Variants in EIF2B3 observed in about 807,000 individuals in gnomAD.
EIF2B3 encodes translation initiation factor eIF2B subunit gamma.
Under a neutral mutation model 54.1 loss-of-function variants are expected in EIF2B3, and 20 were observed. The ratio of observed to expected loss-of-function variants is 0.37; its 90% CI spans 0.26 to 0.54. The LOEUF (loss-of-function observed/expected upper bound fraction) is 0.54. Ranked by LOEUF, EIF2B3 falls within the 20% of genes least tolerant of loss-of-function variation. The pLI, the probability that EIF2B3 is intolerant of heterozygous loss-of-function variation, is 0.86. For missense variants in EIF2B3, 448 were observed against 547.8 expected, an observed-to-expected ratio of 0.82 and a Z score of 1.82; for synonymous variants, 153 against 188.1, an observed-to-expected ratio of 0.81 and a Z score of 1.52.
At chr1:44,891,402 C>T (rs1454601920) in intron 6 of EIF2B3, among the ~76,000 whole-genome samples, 2 of 152,214 alleles carry the variant, frequency 1.3e-5, no homozygotes, top group Admixed American at 6.5e-5. Flanking sequence ...GCTGGGAATA[C>T]AGGCATGAGC....
chr1:44,872,412 G>A (rs921281323), intron 10 of EIF2B3, among the ~76,000 whole-genome samples: 1 of 152,122 alleles, frequency 6.6e-6, no homozygotes, highest in Non-Finnish European at 1.5e-5. Context: ...TTGGGAGGCT[G>A]AGGTGGGAGG....
At chr1:44,943,380 A>G (rs1644060156) in intron 3 of EIF2B3, among the ~76,000 whole-genome samples, 1 of 91,890 alleles carries the variant, frequency 1.1e-5, no homozygotes, top group Non-Finnish European at 2.8e-5. Context: ...ATCTATATCT[A>G]TATCTATATC....
chr1:44,939,762 A>G (rs1318074381), intron 4 of EIF2B3, among the ~76,000 whole-genome samples: 1 of 152,126 alleles, frequency 6.6e-6, no homozygotes, highest in East Asian at 1.9e-4. Context: ...AATGCCTATG[A>G]AAAGGGAGAA....
intron 6 of EIF2B3, among the ~76,000 whole-genome samples, chr1:44,884,707 G>A (rs1325151402): frequency 3.9e-5 from 6 of 152,110 alleles, no homozygotes; most frequent in Non-Finnish European, 8.8e-5. Context: ...TCCTCCATTG[G>A]AAAACAAGTC....
chr1:44,853,903 G>A (rs1000438249), intron 11 of EIF2B3, among the ~76,000 whole-genome samples: 5 of 151,810 alleles, frequency 3.3e-5, no homozygotes, highest in African/African-American at 1.2e-4. Context: ...CATGGTCAAA[G>A]AACTGATCAC....
chr1:44,985,712 A>T (rs1644567066), intron 1 of EIF2B3, among the ~76,000 whole-genome samples: 1 of 152,244 alleles, frequency 6.6e-6, no homozygotes, highest in Admixed American at 6.5e-5. Context: ...AATCATGAAC[A>T]TAACTAATCA....
At chr1:44,958,820 T>C in intron 3 of EIF2B3, 1 of 1,117,632 alleles carries the variant, frequency 8.9e-7, no homozygotes, top group South Asian at 1.2e-5. Flanking sequence ...TGTTGGACGT[T>C]AGCTCCTGAG....
rs199893632 is a variant in EIF2B3 at position 44,879,960 on chromosome 1, T to C, written c.833A>G (p.Tyr278Cys). 162 of 1,614,170 alleles carry C rather than the reference T, an allele frequency of 1.0e-4. No individual in the cohort carries two copies. The highest frequency in any genetic ancestry group is 4.9e-4 in the Middle Eastern group (3 of 6,062). Residue 278 changes from tyrosine (Y) to cysteine (C), a missense_variant, in exon 8 of 12, where the codon TAT becomes TGT. Physicochemically the swap from Tyr to Cys is radical, Grantham distance 194. This residue lies in a region of EIF2B3 where 350 missense variants were observed against 414.2 expected (regional missense o/e 0.85). Transcript: ENST00000360403. ...TCGACAGGCATTCCAGCAGGCATCA[T>C]AGGGAGCCAGGTTCAGTGTATTGGC... ...KEANTLNLAPYDACWNACRGD... is the reference protein window; with the variant it reads ...KEANTLNLAPCDACWNACRGD...
At chr1:44,979,704 C>A (rs1644494062) in intron 2 of EIF2B3, among the ~76,000 whole-genome samples, 1 of 151,374 alleles carries the variant, frequency 6.6e-6, no homozygotes, top group African/African-American at 2.4e-5. Flanking sequence ...TGGCTCACAC[C>A]TGTAATTCCA....
intron 10 of EIF2B3, among the ~76,000 whole-genome samples, chr1:44,864,761 T>G (rs1307125345): frequency 6.6e-6 from 1 of 152,230 alleles, no homozygotes; most frequent in Non-Finnish European, 1.5e-5. Flanking sequence ...CTTCTGATGC[T>G]TTTACATAGC....
At chr1:44,876,958 G>A (rs957104438) in intron 8 of EIF2B3, among the ~76,000 whole-genome samples, 4 of 145,842 alleles carry the variant, frequency 2.7e-5, no homozygotes, top group Admixed American at 2.0e-4. Context: ...GATTAAGGGC[G>A]GTGCAAGATG....
chr1:44,949,379 T>A (rs1271441817), intron 3 of EIF2B3, among the ~76,000 whole-genome samples: 1 of 152,198 alleles, frequency 6.6e-6, no homozygotes, highest in Non-Finnish European at 1.5e-5. Context: ...ATTTTTTCCA[T>A]CTAGACTTTG....
At chr1:44,852,491 T>A (rs996410986) in intron 11 of EIF2B3, among the ~76,000 whole-genome samples, 1 of 152,028 alleles carries the variant, frequency 6.6e-6, no homozygotes, top group Admixed American at 6.6e-5. Flanking sequence ...TATAAGAACA[T>A]TGAGGGCGCT....
At chr1:44,855,635 C>T (rs1654410197) in intron 11 of EIF2B3, among the ~76,000 whole-genome samples, 1 of 151,746 alleles carries the variant, frequency 6.6e-6, no homozygotes, top group South Asian at 2.1e-4. Flanking sequence ...CAGCTCACTG[C>T]AGCCTCCGCC....
In EIF2B3 at chr1:44,983,069, C is replaced by T. The variant is rs563936660; in HGVS notation, c.-9-1892G>A. Reference sequence around the variant, plus strand: ...ACAGGTATGAGCCACTGCACCTGGCCGCCTGGCTAATTCTTTTAATTAATT... The same window carrying T: ...ACAGGTATGAGCCACTGCACCTGGCTGCCTGGCTAATTCTTTTAATTAATT... On this transcript the variant is annotated intron_variant, in intron 1 of 11. Coordinates refer to ENST00000360403, the MANE Select transcript of EIF2B3 (RefSeq NM_020365.5). Among the ~76,000 whole-genome samples the T allele has an allele frequency of 9.2e-5, 14 of 152,232 alleles. 1 individual carries two copies. Among genetic ancestry groups the T allele is most frequent in the East Asian group, 3.9e-4 (2 of 5,162 alleles).
intron 3 of EIF2B3, among the ~76,000 whole-genome samples, chr1:44,974,678 T>C (rs1415404819): frequency 6.6e-6 from 1 of 151,744 alleles, no homozygotes; most frequent in Non-Finnish European, 1.5e-5. Flanking sequence ...TTAATGTAAT[T>C]TAATTTTTAA....
chr1:44,851,354 C>CA (rs1386734112), intron 11 of EIF2B3, among the ~76,000 whole-genome samples: 1 of 152,048 alleles, frequency 6.6e-6, no homozygotes, highest in Non-Finnish European at 1.5e-5. Context: ...TATGAGCCAC[C>CA]ACGCCCAGCC....
intron 1 of EIF2B3, among the ~76,000 whole-genome samples, chr1:44,981,434 T>G (rs1183175124): frequency 1.3e-5 from 2 of 152,098 alleles, no homozygotes; most frequent in Non-Finnish European, 2.9e-5. Context: ...TATTCACAAT[T>G]AAGTGGAGAA....
At chr1:44,979,822 C>T (rs543014759) in intron 2 of EIF2B3, among the ~76,000 whole-genome samples, 1 of 152,038 alleles carries the variant, frequency 6.6e-6, no homozygotes, top group African/African-American at 2.4e-5. Flanking sequence ...AAAAATTAGC[C>T]GGGAGTGGTG....
Sources: allele counts gnomAD v4.1 joint callset (sites outside exome capture counted in the v4.1 genomes callset), GRCh38; gene constraint gnomAD v4.1.1; regional missense constraint gnomAD v4.1.1; transcripts MANE v1.5; gene names NCBI Gene and HGNC (gene_info 2026-07-23, HGNC 2026-07-21).